Variants in KIAA1328 observed in about 807,000 individuals in gnomAD.
The protein encoded by KIAA1328 is protein hinderin.
KIAA1328 carries 52 observed loss-of-function variants against 68.1 expected under a neutral mutation model. That is an observed-to-expected ratio of 0.76 (90% confidence interval 0.61 to 0.96). The LOEUF (loss-of-function observed/expected upper bound fraction) is 0.96. Ranked by LOEUF, KIAA1328 falls within the 40% of genes least tolerant of loss-of-function variation. KIAA1328 has a pLI of 0.00. For missense variants in KIAA1328, 641 were observed against 677.6 expected, an observed-to-expected ratio of 0.95 and a Z score of 0.60; for synonymous variants, 232 against 239.4, an observed-to-expected ratio of 0.97 and a Z score of 0.28.
At chr18:37,228,132 A>G (rs745817799), downstream of KIAA1328, among the ~76,000 whole-genome samples, 1 of 152,224 alleles carries the variant, frequency 6.6e-6, no homozygotes, top group Non-Finnish European at 1.5e-5. Flanking sequence ...GAATTGCTGC[A>G]ATCTCATGAT....
intron 7 of KIAA1328, among the ~76,000 whole-genome samples, chr18:37,117,471 C>T (rs553268554): frequency 8.5e-5 from 13 of 152,156 alleles, no homozygotes; most frequent in African/African-American, 2.9e-4. Context: ...CGGTAGCGAA[C>T]ATCCCACACT....
chr18:37,087,706 C>T (rs1383695298), intron 7 of KIAA1328, among the ~76,000 whole-genome samples: 1 of 152,114 alleles, frequency 6.6e-6, no homozygotes, highest in African/African-American at 2.4e-5. Context: ...AGATTTTCTT[C>T]TCTTGGGATG....
intron 6 of KIAA1328, among the ~76,000 whole-genome samples, chr18:36,997,581 T>C (rs2151437650): frequency 6.6e-6 from 1 of 152,252 alleles, no homozygotes; most frequent in East Asian, 1.9e-4. Flanking sequence ...CCACACCCTT[T>C]CTGAGACCAG....
At chr18:37,206,241 T>C (rs2060212622) in intron 9 of KIAA1328, among the ~76,000 whole-genome samples, 3 of 152,196 alleles carry the variant, frequency 2.0e-5, no homozygotes, top group Admixed American at 6.5e-5. Context: ...GGGATTTGTA[T>C]GCACTCATAC....
intron 7 of KIAA1328, among the ~76,000 whole-genome samples, chr18:37,073,308 A>C (rs979054271): frequency 6.6e-6 from 1 of 152,204 alleles, no homozygotes; most frequent in African/African-American, 2.4e-5. Context: ...GACTTAAACA[A>C]ATTTACAAGA....
At chr18:37,176,923 C>G (rs554991306) in intron 9 of KIAA1328, among the ~76,000 whole-genome samples, 22 of 152,234 alleles carry the variant, frequency 1.4e-4, no homozygotes, top group African/African-American at 5.1e-4. Context: ...AAAGATCATA[C>G]AGGAAATATA....
intron 8 of KIAA1328, among the ~76,000 whole-genome samples, chr18:37,165,040 A>G (rs2059358001): frequency 1.3e-5 from 2 of 152,032 alleles, no homozygotes; most frequent in South Asian, 2.1e-4. Flanking sequence ...GCATCCTCAC[A>G]TGGCCTCTTC....
chr18:37,215,985 G>A (rs1371346694), intron 9 of KIAA1328, among the ~76,000 whole-genome samples: 2 of 152,038 alleles, frequency 1.3e-5, no homozygotes, highest in South Asian at 2.1e-4. Context: ...CTGTGGAATC[G>A]GTGGTGATAT....
chr18:37,076,023 A>G (rs2056718939), intron 7 of KIAA1328, among the ~76,000 whole-genome samples: 1 of 152,008 alleles, frequency 6.6e-6, no homozygotes, highest in Non-Finnish European at 1.5e-5. Flanking sequence ...AAATCAACAG[A>G]ATATACATTT....
At chr18:37,035,885 A>C (rs956499881) in intron 6 of KIAA1328, among the ~76,000 whole-genome samples, 31 of 152,176 alleles carry the variant, frequency 2.0e-4, no homozygotes, top group Admixed American at 1.5e-3. Context: ...TTCTGACTTA[A>C]GTGTTACTCT....
At chr18:37,230,576 G>C (rs182126856), downstream of KIAA1328, 7 of 152,172 alleles carry the variant, frequency 4.6e-5, no homozygotes, top group Non-Finnish European at 7.3e-5. Flanking sequence ...ATTCAGCATG[G>C]TTCCTGGCAC....
chr18:37,051,800 T>C (rs568552865), intron 6 of KIAA1328, among the ~76,000 whole-genome samples: 7 of 152,100 alleles, frequency 4.6e-5, no homozygotes, highest in African/African-American at 1.7e-4. Context: ...CCCAGCACTT[T>C]GGGAGGCCAA....
chr18:36,840,640 A>G (rs1322640408), intron 3 of KIAA1328, among the ~76,000 whole-genome samples: 1 of 151,934 alleles, frequency 6.6e-6, no homozygotes, highest in East Asian at 1.9e-4. Context: ...ATAAACAGAG[A>G]TGGGGTTTCA....
In KIAA1328 at chr18:37,178,307, A is replaced by G. The variant is rs1420869466; in HGVS notation, c.1523+5226A>G. On this transcript the variant is annotated intron_variant, in intron 9 of 9. Coordinates refer to ENST00000280020, the MANE Select transcript of KIAA1328 (RefSeq NM_020776.3). ...ACATACAAGTGAGATTGCTTGTTGG[A>G]AAGCAATTGAGGCCAAGTCAACCAG... Among the ~76,000 whole-genome samples, 3 of 152,266 alleles carry G rather than the reference A, an allele frequency of 2.0e-5. No homozygotes were observed. In the East Asian group the frequency reaches 5.8e-4, roughly 29 times the overall value.
At chr18:36,927,625 T>C (rs1331515519) in intron 5 of KIAA1328, among the ~76,000 whole-genome samples, 2 of 152,076 alleles carry the variant, frequency 1.3e-5, no homozygotes, top group Non-Finnish European at 2.9e-5. Context: ...TGGTGGTGTG[T>C]GCCTGTAGTC....
chr18:36,917,435 C>T (rs959397951), intron 5 of KIAA1328, among the ~76,000 whole-genome samples: 3 of 152,010 alleles, frequency 2.0e-5, no homozygotes, highest in Non-Finnish European at 4.4e-5. Context: ...TTGCTCAGGT[C>T]GGTCTTGAAC....
At chr18:36,871,573 T>C (rs949219292) in intron 4 of KIAA1328, among the ~76,000 whole-genome samples, 6 of 151,972 alleles carry the variant, frequency 3.9e-5, no homozygotes, top group African/African-American at 1.4e-4. Context: ...GTTGGGAACA[T>C]AAGAGTGAAA....
chr18:37,066,266 C>T (rs1188516078), intron 6 of KIAA1328, among the ~76,000 whole-genome samples: 1 of 152,156 alleles, frequency 6.6e-6, no homozygotes, highest in East Asian at 1.9e-4. Context: ...AGACTAATCA[C>T]TTGAATAGAT....
intron 7 of KIAA1328, chr18:37,075,483 T>A (rs945909780): frequency 6.6e-6 from 1 of 152,128 alleles, no homozygotes. Flanking sequence ...CACATAACAA[T>A]ATTAACTTTA....
Sources: allele counts gnomAD v4.1 joint callset (sites outside exome capture counted in the v4.1 genomes callset), GRCh38; gene constraint gnomAD v4.1.1; transcripts MANE v1.5; gene names NCBI Gene and HGNC (gene_info 2026-07-23, HGNC 2026-07-21).